The following NEDD4L variants were observed in gnomAD, a reference collection of about 807,000 sequenced individuals.
The protein encoded by NEDD4L is NEDD4 like E3 ubiquitin protein ligase, also known as E3 ubiquitin-protein ligase NEDD4-like.
Under a neutral mutation model 148.9 loss-of-function variants are expected in NEDD4L, and 54 were observed. That is an observed-to-expected ratio of 0.36 (90% CI 0.29 to 0.45). The LOEUF is 0.45. Ranked by LOEUF, NEDD4L falls within the 20% of genes least tolerant of loss-of-function variation. NEDD4L has a pLI of 1.00. For synonymous variants in NEDD4L, 433 were observed against 440.7 expected (o/e 0.98, Z 0.22); for missense variants, 856 against 1,233.8 (o/e 0.69, Z 4.59).
chr18:58,148,176 T>G (rs1207805577), intron 1 of NEDD4L, among the ~76,000 whole-genome samples: 2 of 151,944 alleles, frequency 1.3e-5, no homozygotes, highest in African/African-American at 4.8e-5. Flanking sequence ...TTTTTTTTTT[T>G]TCTTTTTGAG....
At chr18:58,067,883 G>A (rs2082679788) in intron 1 of NEDD4L, among the ~76,000 whole-genome samples, 1 of 152,200 alleles carries the variant, frequency 6.6e-6, no homozygotes, top group African/African-American at 2.4e-5. Context: ...CTGTGTCGAG[G>A]TTGGGAATTG....
intron 2 of NEDD4L, among the ~76,000 whole-genome samples, chr18:58,175,179 T>G (rs528047953): frequency 1.3e-5 from 2 of 152,346 alleles, no homozygotes; most frequent in East Asian, 3.9e-4. Flanking sequence ...CAAATCGAGA[T>G]TTCCAGGTTT....
Position 58,210,928 on chromosome 18 carries a change from A to T in NEDD4L, c.123-34499A>T, listed in dbSNP as rs143005264. ...ATTTTCCAGTAACACCAGGGTGATT[A>T]ACTGTTAGAAACTCATCACTATCAT... On this transcript the variant is annotated intron_variant, in intron 2 of 30. Coordinates refer to ENST00000400345, the MANE Select transcript of NEDD4L (RefSeq NM_001144967.3). Among the ~76,000 whole-genome samples, 547 of 152,336 alleles carry T rather than the reference A, an allele frequency of 3.6e-3. 4 individuals are homozygous for T. Among genetic ancestry groups the T allele is most frequent in the African/African-American group, 0.012 (519 of 41,578 alleles).
intron 30 of NEDD4L, 79 bp from the exon 31 acceptor site, chr18:58,396,088 C>A: frequency 1.1e-6 from 1 of 940,916 alleles, no homozygotes; most frequent in Non-Finnish European, 1.7e-6. Context: ...TATTCTCTTA[C>A]TCAAACCTCA....
intron 13 of NEDD4L, chr18:58,335,905 G>A: frequency 4.3e-6 from 1 of 235,092 alleles, no homozygotes; most frequent in Non-Finnish European, 8.5e-6. Context: ...GAAGCCACAG[G>A]AATTGCATGA....
In NEDD4L at chr18:58,256,203, C is replaced by A. The variant is rs759980297; in HGVS notation, c.297+4149C>A. 5.7e-6 allele frequency: 7 copies of A among 1,219,410 alleles called. No homozygotes were observed. Among genetic ancestry groups the A allele is most frequent in the Non-Finnish European group, 7.1e-6 (7 of 980,240 alleles). The allele number at this position is 1,219,410 out of a possible 1,614,324, so 75.5% of individuals were successfully genotyped here. On this transcript the variant is annotated intron_variant, in intron 5 of 30. Coordinates refer to ENST00000400345, the MANE Select transcript of NEDD4L (RefSeq NM_001144967.3). The surrounding 1 kb of genome is among the most constrained non-coding windows in gnomAD (Gnocchi z 5.2). ...GTGGACTGCGCGGAGGAGGCTGCCC[C>A]GGGCCTGCGCATCCAGCACCGCGCC...
At position 58,341,035 on chromosome 18, in the gene NEDD4L, C is replaced by G; in HGVS notation, c.1126-3C>G. On this transcript the variant is annotated splice_region_variant and splice_polypyrimidine_tract_variant and intron_variant, in intron 13 of 30. Transcript: ENST00000400345. ...AAATAATAATGATTTCTTGCACAAA[C>G]AGCCATCAGTGGCCTATGTACATAC... 6.2e-7 allele frequency: 1 copy of G among 1,606,702 alleles called. No individual in the cohort carries two copies. Among genetic ancestry groups the G allele is most frequent in the Non-Finnish European group, 8.5e-7 (1 of 1,177,008 alleles).
rs184164931 is a variant in NEDD4L at position 58,118,013 on chromosome 18, G to A, written c.49-47775G>A. On this transcript the variant is annotated intron_variant, in intron 1 of 30. Coordinates refer to ENST00000400345, the MANE Select transcript of NEDD4L (RefSeq NM_001144967.3). ...TGAATGACAGCCCAGCAGAAAGAAT[G>A]GACTTGACACTGGAGACTGCACCAC... Among the ~76,000 whole-genome samples the A allele has an allele frequency of 2.8e-3, 422 of 152,322 alleles. 2 individuals are homozygous for A. Among genetic ancestry groups the A allele is most frequent in the Non-Finnish European group, 4.9e-3 (332 of 68,024 alleles).
chr18:58,071,574 A>G (rs1038745771), intron 1 of NEDD4L, among the ~76,000 whole-genome samples: 2 of 152,224 alleles, frequency 1.3e-5, no homozygotes, highest in African/African-American at 2.4e-5. Flanking sequence ...AACATCATCA[A>G]CCATACCCAT....
intron 5 of NEDD4L, among the ~76,000 whole-genome samples, chr18:58,313,212 TAAG>T (rs1055950562): frequency 6.6e-6 from 1 of 152,220 alleles, no homozygotes; most frequent in African/African-American, 2.4e-5. Flanking sequence ...TGTAAACTAA[TAAG>T]AGCCTTCCGT....
chr18:58,195,349 G>C (rs751300787), intron 2 of NEDD4L: 50 of 1,084,756 alleles, frequency 4.6e-5, no homozygotes, highest in Non-Finnish European at 5.3e-5. Flanking sequence ...AATACACGAA[G>C]TTCCTCCTAT....
chr18:58,180,379 G>A (rs532212855), intron 2 of NEDD4L, among the ~76,000 whole-genome samples: 7 of 151,652 alleles, frequency 4.6e-5, no homozygotes, highest in South Asian at 2.1e-4. Context: ...CTTAGCACAT[G>A]GCGCTAAGAT....
At chr18:58,180,477 G>C (rs1165222056) in intron 2 of NEDD4L, among the ~76,000 whole-genome samples, 3 of 152,190 alleles carry the variant, frequency 2.0e-5, no homozygotes, top group Non-Finnish European at 4.4e-5. Context: ...GGGGCGTTGA[G>C]CTGAGGACAG....
chr18:58,255,929 C>G, intron 5 of NEDD4L: 1 of 1,231,490 alleles, frequency 8.1e-7, no homozygotes, highest in Non-Finnish European at 1.0e-6. Context: ...CTCCCTGCAG[C>G]GCAAGGCCAC....
At chr18:58,373,771 T>C (rs910083558) in intron 24 of NEDD4L, among the ~76,000 whole-genome samples, 2 of 152,230 alleles carry the variant, frequency 1.3e-5, no homozygotes, top group African/African-American at 2.4e-5. Context: ...TTATTCAGGC[T>C]GGACTAATCC....
intron 5 of NEDD4L, among the ~76,000 whole-genome samples, chr18:58,267,758 A>G (rs934319644): frequency 6.6e-6 from 1 of 152,090 alleles, no homozygotes; most frequent in Non-Finnish European, 1.5e-5. Context: ...CTTTTGCACC[A>G]GCGAGTCTGC....
intron 2 of NEDD4L, among the ~76,000 whole-genome samples, chr18:58,203,634 T>G (rs2147482606): frequency 6.6e-6 from 1 of 151,786 alleles, no homozygotes; most frequent in Admixed American, 6.6e-5. Context: ...TTTTCTAAAC[T>G]ATGTTAGCTA....
intron 2 of NEDD4L, among the ~76,000 whole-genome samples, chr18:58,184,126 G>T (rs181380569): frequency 2.6e-5 from 4 of 152,168 alleles, no homozygotes; most frequent in African/African-American, 4.8e-5. Context: ...CCGAGATCGC[G>T]CCCCATTACT....
intron 5 of NEDD4L, among the ~76,000 whole-genome samples, chr18:58,311,567 A>G (rs921002492): frequency 1.3e-5 from 2 of 152,152 alleles, no homozygotes; most frequent in African/African-American, 4.8e-5. Context: ...CTTCCGTGTG[A>G]AGTTCACTGT....
Sources: allele counts gnomAD v4.1 joint callset (sites outside exome capture counted in the v4.1 genomes callset), GRCh38; gene constraint gnomAD v4.1.1; non-coding constraint Gnocchi (gnomAD v3.1); transcripts MANE v1.5; gene names NCBI Gene and HGNC (gene_info 2026-07-23, HGNC 2026-07-21).